The following TNFSF18 variants were observed in gnomAD, a reference collection of about 807,000 sequenced individuals.
TNFSF18 encodes the protein tumor necrosis factor ligand superfamily member 18.
A neutral mutation model predicts 9.6 loss-of-function variants in TNFSF18; 6 were observed. The ratio of observed to expected loss-of-function variants is 0.63; its 90% confidence interval spans 0.34 to 1.24. The LOEUF is 1.24. Among genes scored for constraint, TNFSF18 ranks in the 50% most tolerant of loss-of-function variants. The pLI is 0.03. For missense variants in TNFSF18, 210 were observed against 201.0 expected, an observed-to-expected ratio of 1.04 and a Z score of -0.27; for synonymous variants, 68 against 71.7, an observed-to-expected ratio of 0.95 and a Z score of 0.26.
chr1:173,046,885 TG>T, intron 1 of TNFSF18, among the ~76,000 whole-genome samples: 1 of 132,732 alleles, frequency 7.5e-6, no homozygotes, highest in African/African-American at 2.6e-5. Flanking sequence ...TTTTTTTTGT[TG>T]TTGTTGTTGT....
intron 1 of TNFSF18, among the ~76,000 whole-genome samples, chr1:173,045,044 G>A (rs539813927): frequency 1.3e-5 from 2 of 152,236 alleles, no homozygotes; most frequent in South Asian, 4.1e-4. Flanking sequence ...AAATGGGGAG[G>A]GGAACAATGA....
intron 1 of TNFSF18, among the ~76,000 whole-genome samples, chr1:173,044,260 C>CG (rs1324133742): frequency 1.3e-5 from 2 of 151,666 alleles, no homozygotes; most frequent in Non-Finnish European, 2.9e-5. Flanking sequence ...ATCGGACCCC[C>CG]CCCCCAACCT....
intron 1 of TNFSF18, among the ~76,000 whole-genome samples, chr1:173,049,411 ATTCT>A (rs908744185): frequency 6.6e-6 from 1 of 152,136 alleles, no homozygotes; most frequent in Non-Finnish European, 1.5e-5. Flanking sequence ...ATTTCTGACA[ATTCT>A]TTCTTTCAAC....
chr1:173,041,117 C>G lies in TNFSF18; in HGVS notation c.*250G>C, dbSNP rs935448039. 2 of 363,502 alleles carry G rather than the reference C, an allele frequency of 5.5e-6. No individual in the cohort carries two copies. The highest frequency in any genetic ancestry group is 9.8e-6 in the Non-Finnish European group (2 of 203,472). 22.5% of individuals were successfully genotyped at this position (363,502 alleles called of 1,614,324 possible). A position where few individuals can be genotyped will look rare whatever the true frequency, so the allele number is the denominator to read the frequency against. ...TAAAGATTCTTTGAAAAGCACATGT[C>G]CTCTGTCATCCATATTTGTTTTATC... On this transcript the variant is annotated 3_prime_UTR_variant, in exon 3 of 3. Transcript: ENST00000404377.
At chr1:173,042,044 AT>A (rs1665003325) in intron 2 of TNFSF18, among the ~76,000 whole-genome samples, 1 of 152,222 alleles carries the variant, frequency 6.6e-6, no homozygotes, top group African/African-American at 2.4e-5. Flanking sequence ...GGAGAAAGAA[AT>A]CACAAGCCAA....
rs745312045 is a variant in TNFSF18 at position 173,040,182 on chromosome 1, T to C, written c.*1185A>G. Reference sequence around the variant, plus strand: ...AGTGAAGAGGGGAATTTGGTTGGGATAAGGCCTGAACAGCATCCTGGATCT... The same window carrying C: ...AGTGAAGAGGGGAATTTGGTTGGGACAAGGCCTGAACAGCATCCTGGATCT... On this transcript the variant is annotated 3_prime_UTR_variant, in exon 3 of 3. Transcript: ENST00000404377. 1.3e-5 allele frequency: 2 copies of C among 150,484 alleles called. No homozygotes were observed. Among genetic ancestry groups the C allele is most frequent in the Non-Finnish European group, 3.0e-5 (2 of 67,648 alleles). The allele number at this position is 150,484 out of a possible 1,614,324, so 9.3% of individuals were successfully genotyped here.
At chr1:173,041,880 C>T (rs1665001093) in intron 2 of TNFSF18, among the ~76,000 whole-genome samples, 167 bp from the exon 3 acceptor site, 1 of 152,116 alleles carries the variant, frequency 6.6e-6, no homozygotes, top group Non-Finnish European at 1.5e-5. Flanking sequence ...CTATCTACTC[C>T]TTGTTTTAGA....
chr1:173,043,849 G>C (rs945415633), intron 2 of TNFSF18, 90 bp downstream of exon 2: 16 of 1,198,994 alleles, frequency 1.3e-5, no homozygotes, highest in African/African-American at 3.0e-5. Flanking sequence ...ATGAATAAAA[G>C]AAAATACAGG....
chr1:173,046,880 T>TTTGTTG (rs890436520), intron 1 of TNFSF18, among the ~76,000 whole-genome samples: 12 of 136,610 alleles, frequency 8.8e-5, no homozygotes, highest in Non-Finnish European at 1.6e-4. Flanking sequence ...CTTGTTTTTT[T>TTTGTTG]TTGTTGTTGT....
Position 173,041,336 on chromosome 1 carries a change from C to A in TNFSF18, c.*31G>T. 1 of 1,526,060 alleles carries A rather than the reference C, an allele frequency of 6.6e-7. No individual in the cohort carries two copies. Among genetic ancestry groups the A allele is most frequent in the Non-Finnish European group, 8.9e-7 (1 of 1,122,730 alleles). 94.5% of individuals were successfully genotyped at this position (1,526,060 alleles called of 1,614,324 possible). ...CCACCCACTGGCACCTCTACATGTG[C>A]TGAAGGGAATGAGGAGATCAAATCA... is the stretch of plus-strand genomic sequence containing the variant. On this transcript the variant is annotated 3_prime_UTR_variant, in exon 3 of 3. Transcript: ENST00000404377.
At chr1:173,042,241 G>GT (rs1224770537) in intron 2 of TNFSF18, among the ~76,000 whole-genome samples, 2 of 152,100 alleles carry the variant, frequency 1.3e-5, no homozygotes, top group African/African-American at 4.8e-5. Flanking sequence ...TGTCTAGGAT[G>GT]TTATAAACTA....
chr1:173,043,989 T>C lies in TNFSF18; in HGVS notation c.157-20A>G. On this transcript the variant is annotated intron_variant, in intron 1 of 2. Transcript: ENST00000404377. The stretch of plus-strand genomic sequence containing the variant: ...AGCAGTCTGTTGGGGAAATAAAAGA[T>C]GAATTGATTAGGATGATGACAGTGT... The C allele has an allele frequency of 6.2e-7, 1 of 1,609,666 alleles. No individual in the cohort carries two copies. Among genetic ancestry groups the C allele is most frequent in the Middle Eastern group, 1.7e-4 (1 of 6,050 alleles).
At position 173,050,736 on chromosome 1, in the gene TNFSF18, C is replaced by T. The variant is rs755040464; in HGVS notation, c.156+5G>A. On this transcript the variant is annotated splice_donor_5th_base_variant and intron_variant, in intron 1 of 2. Coordinates refer to ENST00000404377, the MANE Select transcript of TNFSF18 (RefSeq NM_005092.4). ...TAGTAACCTTAGGTACAATTGCCTC[C>T]TTACCTCTAATTGGAGAAAAATAAA... 6.3e-7 allele frequency: 1 copy of T among 1,586,288 alleles called. No individual in the cohort carries two copies. The highest frequency in any genetic ancestry group is 8.6e-7 in the Non-Finnish European group (1 of 1,163,208).
chr1:173,045,868 T>C (rs1422488461), intron 1 of TNFSF18, among the ~76,000 whole-genome samples: 1 of 152,178 alleles, frequency 6.6e-6, no homozygotes, highest in Non-Finnish European at 1.5e-5. Flanking sequence ...CAAGACAGAA[T>C]AACAGTATAC....
At chr1:173,041,978 C>T (rs2235577) in intron 2 of TNFSF18, among the ~76,000 whole-genome samples, 43,059 of 151,978 alleles carry the variant, frequency 0.28, 7,259 homozygotes, top group East Asian at 0.78. Context: ...TAAGTGACTT[C>T]GCATCTCTTG....
rs757644628 is a variant in TNFSF18, at chr1:173,041,599, A to G, written c.302T>C (p.Val101Ala). The stretch of plus-strand genomic sequence containing the variant: ...ATCATTGTAGTTTGCATTGGGAGCC[A>G]CTTGGCCATAAATTAAATATAAGCC... ...QNGLYLIYGQ[V>A]APNANYNDVA... The change falls in exon 3 of 3, where the codon GTG (valine) becomes GCG (alanine). Residue 101 changes from valine to alanine, a missense_variant. By Grantham distance (64) the Val-to-Ala change is moderately conservative. Transcript: ENST00000404377. The G allele has an allele frequency of 1.2e-6, 2 of 1,613,670 alleles. No individual in the cohort carries two copies. The highest frequency in any genetic ancestry group is 2.2e-5 in the South Asian group (2 of 91,064).
rs201928707 is a variant in TNFSF18 at position 173,039,737 on chromosome 1, T to TACACACAC, written c.*1629_*1630insGTGTGTGT. On this transcript the variant is annotated 3_prime_UTR_variant, in exon 3 of 3. Coordinates refer to ENST00000404377, the MANE Select transcript of TNFSF18 (RefSeq NM_005092.4). ...GTATACATATATATACACACACACA[T>TACACACAC]ATACACACACACACACACACACACA... is the stretch of plus-strand genomic sequence containing the variant. Among the ~76,000 whole-genome samples the TACACACAC allele has an allele frequency of 4.3e-3, 641 of 148,576 alleles. 5 individuals carry two copies. Among genetic ancestry groups the TACACACAC allele is most frequent in the Middle Eastern group, 0.014 (4 of 290 alleles).
intron 1 of TNFSF18, among the ~76,000 whole-genome samples, chr1:173,044,472 T>C (rs957411567): frequency 6.6e-6 from 1 of 152,188 alleles, no homozygotes; most frequent in African/African-American, 2.4e-5. Flanking sequence ...CTACATGTCA[T>C]ATACAGTATC....
chr1:173,045,245 C>T (rs1665059975), intron 1 of TNFSF18, among the ~76,000 whole-genome samples: 1 of 151,506 alleles, frequency 6.6e-6, no homozygotes, highest in African/African-American at 2.4e-5. Flanking sequence ...AACACTGGGG[C>T]GTTGTGATGT....
Sources: gnomAD v4.1 joint callset for allele counts (sites outside exome capture counted in the v4.1 genomes callset) on GRCh38, gnomAD v4.1.1 for gene constraint, MANE v1.5 for transcripts, NCBI Gene and HGNC (gene_info 2026-07-23, HGNC 2026-07-21) for gene names.